The following TRHDE variants were observed in gnomAD, a reference collection of about 807,000 sequenced individuals.
TRHDE encodes thyrotropin-releasing hormone-degrading ectoenzyme.
Under a neutral mutation model 125.7 loss-of-function variants are expected in TRHDE, and 72 were observed. The observed-to-expected ratio is 0.57, with a 90% CI of 0.47 to 0.70. The LOEUF (loss-of-function observed/expected upper bound fraction) is 0.70, where lower values mean the gene tolerates loss of function less well. TRHDE is among the 30% of genes least tolerant of loss of function. The pLI is 0.00. For synonymous variants in TRHDE, 509 were observed against 509.1 expected (o/e 1.00, Z 0.00); for missense variants, 1,110 against 1,327.1 (o/e 0.84, Z 2.54).
chr12:72,299,739 G>C (rs1249133841), intron 2 of TRHDE, among the ~76,000 whole-genome samples: 1 of 152,090 alleles, frequency 6.6e-6, no homozygotes, highest in Non-Finnish European at 1.5e-5. Context: ...TTTGGGCTTA[G>C]CATCATCTTA....
intron 3 of TRHDE, among the ~76,000 whole-genome samples, chr12:72,398,485 A>G (rs1377267204): frequency 6.6e-6 from 1 of 152,194 alleles, no homozygotes; most frequent in Admixed American, 6.5e-5. Context: ...GTGTCTATTT[A>G]TTCAATTGAA....
intron 1 of TRHDE, among the ~76,000 whole-genome samples, chr12:72,101,383 C>T (rs35752431): frequency 0.014 from 2,134 of 152,262 alleles, 35 homozygotes; most frequent in South Asian, 0.019. Context: ...GAGTGAGTGG[C>T]TGCTTTGAGT....
At position 72,621,716 on chromosome 12, in the gene TRHDE, A is replaced by T; in HGVS notation, c.2640A>T (p.Thr880=). The change falls in exon 15 of 19, where the codon ACA becomes ACT. Residue 880 remains threonine, a synonymous_variant. Coordinates refer to ENST00000261180, the MANE Select transcript of TRHDE (RefSeq NM_013381.3). ...GNKHCHQQAS[T]LISDWISSNR... ...AGCACTGTCACCAACAGGCATCAAC[A>T]CTTATTTCAGATTGGATTTCCAGCA... 6.2e-7 allele frequency: 1 copy of T among 1,605,046 alleles called. No homozygotes were observed. Among genetic ancestry groups the T allele is most frequent in the Non-Finnish European group, 8.5e-7 (1 of 1,177,228 alleles).
At chr12:72,149,079 G>A (rs1876296459) in intron 2 of TRHDE, among the ~76,000 whole-genome samples, 1 of 151,816 alleles carries the variant, frequency 6.6e-6, no homozygotes, top group Non-Finnish European at 1.5e-5. Context: ...CCTTCTTTTT[G>A]GCAAATTCTA....
chr12:72,418,460 C>T (rs1024094406), intron 3 of TRHDE, among the ~76,000 whole-genome samples: 1 of 152,032 alleles, frequency 6.6e-6, no homozygotes, highest in Admixed American at 6.6e-5. Context: ...GATTCTTTTC[C>T]TATGTGAATT....
chr12:72,127,180 G>A (rs775301926), intron 2 of TRHDE, among the ~76,000 whole-genome samples: 34 of 152,006 alleles, frequency 2.2e-4, no homozygotes, highest in Non-Finnish European at 4.1e-4. Flanking sequence ...TTATCAAAAC[G>A]TTAAAAAATA....
chr12:72,600,859 A>T (rs547453484), intron 12 of TRHDE, among the ~76,000 whole-genome samples: 2 of 152,180 alleles, frequency 1.3e-5, no homozygotes, highest in South Asian at 4.1e-4. Flanking sequence ...AATTACTGAC[A>T]ATGCACCTAG....
At chr12:72,323,675 C>T (rs992519547) in intron 2 of TRHDE, among the ~76,000 whole-genome samples, 15 of 152,152 alleles carry the variant, frequency 9.9e-5, no homozygotes, top group East Asian at 5.8e-4. Context: ...AAAATGTGAA[C>T]GGAGCCTATC....
intron 2 of TRHDE, among the ~76,000 whole-genome samples, chr12:72,129,723 T>C (rs764771712): frequency 3.3e-5 from 5 of 152,190 alleles, no homozygotes; most frequent in Admixed American, 6.5e-5. Context: ...AAGACTTTTA[T>C]TGGATAGGCA....
At chr12:72,429,338 C>CATAATAATA (rs57170664) in intron 3 of TRHDE, among the ~76,000 whole-genome samples, 6,531 of 143,318 alleles carry the variant, frequency 0.046, 193 homozygotes, top group African/African-American at 0.059. Flanking sequence ...GAATTTAAAG[C>CATAATAATA]ATAATAATAA....
chr12:72,222,316 C>T (rs1878017638), intron 2 of TRHDE, among the ~76,000 whole-genome samples: 1 of 152,012 alleles, frequency 6.6e-6, no homozygotes, highest in Admixed American at 6.6e-5. Flanking sequence ...AAAGATTGTT[C>T]CAGCCATCTT....
At chr12:72,635,184 G>A (rs1202154614) in intron 15 of TRHDE, among the ~76,000 whole-genome samples, 1 of 151,660 alleles carries the variant, frequency 6.6e-6, no homozygotes, top group Non-Finnish European at 1.5e-5. Flanking sequence ...ACTTTTTAAT[G>A]ATTGCCATTC....
At chr12:72,598,811 A>G (rs1433522715) in intron 12 of TRHDE, among the ~76,000 whole-genome samples, 1 of 152,092 alleles carries the variant, frequency 6.6e-6, no homozygotes. Context: ...GGTTTGGTAT[A>G]GAAATGATCC....
chr12:72,103,699 G>T (rs1303333044), intron 1 of TRHDE, among the ~76,000 whole-genome samples: 1 of 152,114 alleles, frequency 6.6e-6, no homozygotes, highest in African/African-American at 2.4e-5. Flanking sequence ...CTTAGTTTGG[G>T]TTGCCGTGAA....
chr12:72,093,571 C>T (rs1050992432), intron 1 of TRHDE, among the ~76,000 whole-genome samples: 1 of 151,908 alleles, frequency 6.6e-6, no homozygotes, highest in Non-Finnish European at 1.5e-5. Context: ...TTTTTGAGTT[C>T]TTAATTCTTT....
chr12:72,091,345 C>G (rs904714907), intron 1 of TRHDE, among the ~76,000 whole-genome samples: 6 of 152,272 alleles, frequency 3.9e-5, no homozygotes, highest in Admixed American at 3.3e-4. Flanking sequence ...TATGGACAAC[C>G]TGCATCCTGT....
chr12:72,560,460 C>G (rs780682181), intron 7 of TRHDE: 2 of 152,174 alleles, frequency 1.3e-5, no homozygotes, highest in Non-Finnish European at 2.9e-5. Context: ...AGCCTAGCAG[C>G]ACTACCCATA....
At chr12:72,481,948 TTTTA>T (rs1413453634) in intron 5 of TRHDE, among the ~76,000 whole-genome samples, 1 of 152,004 alleles carries the variant, frequency 6.6e-6, no homozygotes, top group Non-Finnish European at 1.5e-5. Flanking sequence ...CTTCTTCAGA[TTTTA>T]TTTATAGTTC....
chr12:72,505,070 A>C (rs910512370), intron 6 of TRHDE, among the ~76,000 whole-genome samples: 20 of 152,196 alleles, frequency 1.3e-4, no homozygotes, highest in African/African-American at 4.8e-4. Flanking sequence ...GATTATAAAA[A>C]AATAAAGGTT....
Sources: allele counts gnomAD v4.1 joint callset (sites outside exome capture counted in the v4.1 genomes callset), GRCh38; gene constraint gnomAD v4.1.1; transcripts MANE v1.5; gene names NCBI Gene and HGNC (gene_info 2026-07-23, HGNC 2026-07-21).